CTNNA2: variants seen among roughly 807,000 people sequenced by gnomAD.
The protein encoded by CTNNA2 is catenin alpha-2.
CTNNA2 carries 42 observed loss-of-function variants against 101.0 expected under a neutral mutation model. The observed-to-expected ratio is 0.42, with a 90% CI of 0.32 to 0.54. CTNNA2 has a LOEUF of 0.54. CTNNA2 is among the 20% of genes least tolerant of loss of function. The pLI is 0.14. For synonymous variants in CTNNA2, 450 were observed against 456.4 expected, an observed-to-expected ratio of 0.99 and a Z score of 0.18; for missense variants, 871 against 1,223.1, an observed-to-expected ratio of 0.71 and a Z score of 4.29.
At chr2:79,870,470 G>T (rs1214926591) in intron 5 of CTNNA2, among the ~76,000 whole-genome samples, 9 of 151,874 alleles carry the variant, frequency 5.9e-5, no homozygotes, top group Admixed American at 5.9e-4. Context: ...AAAGGGGAGG[G>T]GAGTGGGGAA....
At chr2:80,106,297 C>A (rs1024246356) in intron 7 of CTNNA2, among the ~76,000 whole-genome samples, 2 of 152,140 alleles carry the variant, frequency 1.3e-5, no homozygotes, top group Non-Finnish European at 2.9e-5. Context: ...ATCTCTGGAT[C>A]CCATCAGTTT....
rs1674284360 is a variant in CTNNA2 at position 80,647,918 on chromosome 2, T to C, written c.*46T>C. 1.3e-6 allele frequency: 2 copies of C among 1,514,594 alleles called. No homozygotes were observed. The highest frequency in any genetic ancestry group is 2.8e-5 in the African/African-American group (2 of 71,528). The allele number at this position is 1,514,594 out of a possible 1,614,324, so 93.8% of individuals were successfully genotyped here. A position where few individuals can be genotyped will look rare whatever the true frequency, so the allele number is the denominator to read the frequency against. Reference sequence around the variant, plus strand: ...AAGCTTTTTCTTTCTTTTCTTTCTTTCTTTTTCTTTTTAATTCCATTTTTG... The same window carrying C: ...AAGCTTTTTCTTTCTTTTCTTTCTTCCTTTTTCTTTTTAATTCCATTTTTG... On this transcript the variant is annotated 3_prime_UTR_variant, in exon 19 of 19. Coordinates refer to ENST00000402739, the MANE Select transcript of CTNNA2 (RefSeq NM_001282597.3).
At chr2:79,809,032 A>G (rs1364171512) in intron 3 of CTNNA2, among the ~76,000 whole-genome samples, 2 of 152,188 alleles carry the variant, frequency 1.3e-5, no homozygotes, top group Admixed American at 1.3e-4. Context: ...GAGTGAGAAC[A>G]TGCGGTGTTT....
At chr2:79,287,896 T>G (rs1473994677) in intron 2 of CTNNA2, among the ~76,000 whole-genome samples, 1 of 152,240 alleles carries the variant, frequency 6.6e-6, no homozygotes, top group East Asian at 1.9e-4. Flanking sequence ...TAGCAGTCAG[T>G]GAGACTCCAC....
intron 2 of CTNNA2, among the ~76,000 whole-genome samples, chr2:79,269,341 G>A (rs773569872): frequency 2.0e-5 from 3 of 152,108 alleles, no homozygotes; most frequent in Non-Finnish European, 4.4e-5. Flanking sequence ...AGCAAGGAAA[G>A]ACTGCTGAGC....
At position 80,302,186 on chromosome 2, in the gene CTNNA2, C is replaced by A; in HGVS notation, c.1057-91025C>A. 6.4e-7 allele frequency: 1 copy of A among 1,559,076 alleles called. No individual in the cohort carries two copies. Among genetic ancestry groups the A allele is most frequent in the Non-Finnish European group, 8.7e-7 (1 of 1,152,374 alleles). On this transcript the variant is annotated intron_variant, in intron 7 of 18. Transcript: ENST00000402739. The surrounding 1 kb of genome is among the most constrained non-coding windows in gnomAD (Gnocchi z 6.4). ...AGACAAGGAGACCCCAGCCTGGTGC[C>A]CGCCGGCCCGTCCCGGCTGCCCAGG...
At chr2:80,037,925 G>A (rs112378588) in intron 7 of CTNNA2, among the ~76,000 whole-genome samples, 1 of 152,168 alleles carries the variant, frequency 6.6e-6, no homozygotes, top group Non-Finnish European at 1.5e-5. Flanking sequence ...TTAGAATGAT[G>A]TGTGAAATAT....
At chr2:79,622,971 C>G (rs1325338763) in intron 1 of CTNNA2, among the ~76,000 whole-genome samples, 1 of 152,130 alleles carries the variant, frequency 6.6e-6, no homozygotes, top group Admixed American at 6.5e-5. Context: ...CTTACAAGTT[C>G]TATAACTCAC....
chr2:79,298,638 C>A (rs187628357), intron 2 of CTNNA2, among the ~76,000 whole-genome samples: 1 of 152,240 alleles, frequency 6.6e-6, no homozygotes, highest in East Asian at 1.9e-4. Context: ...CTCTTCTTTT[C>A]TCTATATACA....
intron 1 of CTNNA2, among the ~76,000 whole-genome samples, chr2:79,521,369 T>C (rs1031181980): frequency 6.6e-5 from 10 of 152,030 alleles, no homozygotes; most frequent in African/African-American, 2.4e-4. Context: ...CTTTAGTTCC[T>C]AGCACACCGT....
intron 9 of CTNNA2, among the ~76,000 whole-genome samples, chr2:80,431,148 A>G (rs1347457905): frequency 6.6e-6 from 1 of 152,126 alleles, no homozygotes; most frequent in South Asian, 2.1e-4. Context: ...TTGGAGAGGG[A>G]TTGTGTATTG....
chr2:80,504,123 C>A (rs1344897266), intron 9 of CTNNA2, among the ~76,000 whole-genome samples: 2 of 152,200 alleles, frequency 1.3e-5, no homozygotes, highest in Non-Finnish European at 2.9e-5. Context: ...AGGGTTAAAT[C>A]AAGGTGTTAG....
At chr2:80,629,415 CA>C (rs1250767895) in intron 18 of CTNNA2, among the ~76,000 whole-genome samples, 14 of 152,114 alleles carry the variant, frequency 9.2e-5, no homozygotes, top group African/African-American at 3.4e-4. Context: ...GGTAGCCAAC[CA>C]AAATGGAGAT....
intron 1 of CTNNA2, among the ~76,000 whole-genome samples, chr2:79,522,167 C>T (rs540049383): frequency 1.4e-4 from 21 of 152,286 alleles, no homozygotes; most frequent in African/African-American, 3.6e-4. Context: ...GGATAGGAGC[C>T]GCACCTTCCA....
intron 2 of CTNNA2, among the ~76,000 whole-genome samples, chr2:79,241,433 T>A (rs558078672): frequency 6.6e-6 from 1 of 152,094 alleles, no homozygotes; most frequent in Non-Finnish European, 1.5e-5. Flanking sequence ...CAAATTGGAG[T>A]GAATTCCTGA....
chr2:79,339,262 C>A (rs1198593557), intron 3 of CTNNA2, among the ~76,000 whole-genome samples: 3 of 151,998 alleles, frequency 2.0e-5, no homozygotes, highest in Non-Finnish European at 2.9e-5. Flanking sequence ...TCATAGAATC[C>A]AAGAGAAGAG....
In CTNNA2 at chr2:80,648,000, C is replaced by CT. The variant is rs1674292728; in HGVS notation, c.*129dup. On this transcript the variant is annotated 3_prime_UTR_variant, in exon 19 of 19. Coordinates refer to ENST00000402739, the MANE Select transcript of CTNNA2 (RefSeq NM_001282597.3). ...CATGGGGAAATTAAGGGAACAGTGTCTGTTTGCATGTAAGATGAGATGAGA... is the reference window on the plus strand; with the variant it reads ...CATGGGGAAATTAAGGGAACAGTGTCTTGTTTGCATGTAAGATGAGATGAGA... 1.2e-6 allele frequency: 1 copy of CT among 848,212 alleles called. No homozygotes were observed. The highest frequency in any genetic ancestry group is 1.7e-5 in the African/African-American group (1 of 58,096). The allele number at this position is 848,212 out of a possible 1,614,324, so 52.5% of individuals were successfully genotyped here. A position where few individuals can be genotyped will look rare whatever the true frequency, so the allele number is the denominator to read the frequency against.
chr2:79,529,506 C>T (rs564016141), intron 1 of CTNNA2, among the ~76,000 whole-genome samples: 1 of 151,912 alleles, frequency 6.6e-6, no homozygotes, highest in Non-Finnish European at 1.5e-5. Context: ...CAGGAGGTGA[C>T]AGTTATAGCT....
chr2:80,566,012 G>C (rs531042565), intron 12 of CTNNA2, among the ~76,000 whole-genome samples: 1 of 152,060 alleles, frequency 6.6e-6, no homozygotes, highest in African/African-American at 2.4e-5. Context: ...AAGCATCGTT[G>C]CTACAATTAA....
Sources: allele counts gnomAD v4.1 joint callset (sites outside exome capture counted in the v4.1 genomes callset), GRCh38; gene constraint gnomAD v4.1.1; non-coding constraint Gnocchi (gnomAD v3.1); transcripts MANE v1.5; gene names NCBI Gene and HGNC (gene_info 2026-07-23, HGNC 2026-07-21).